VWF: variants seen among roughly 807,000 people sequenced by gnomAD.
VWF encodes the protein Factor VIII related antigen.
In VWF, 176 loss-of-function variants were observed where a neutral mutation model predicts 308.6. The observed-to-expected ratio is 0.57, with a 90% CI of 0.50 to 0.65. The LOEUF is 0.65. Ranked by LOEUF, VWF falls within the 30% of genes least tolerant of loss-of-function variation. The pLI is 0.00. For missense variants in VWF, 3,146 were observed against 3,648.2 expected (o/e 0.86, Z 3.55); for synonymous variants, 1,385 against 1,443.4 (o/e 0.96, Z 0.92).
At chr12:5,968,652 C>T (rs550615544) in intron 45 of VWF, among the ~76,000 whole-genome samples, 13 of 152,136 alleles carry the variant, frequency 8.5e-5, no homozygotes, top group African/African-American at 1.9e-4. Context: ...AAAAATTAGC[C>T]GAGTGTGGTG....
At chr12:5,967,966 G>GC (rs1208026163) in intron 46 of VWF, among the ~76,000 whole-genome samples, 161 bp downstream of exon 46, 1 of 152,200 alleles carries the variant, frequency 6.6e-6, no homozygotes, top group African/African-American at 2.4e-5. Context: ...CCTAGCCTGG[G>GC]CTCCATGATG....
At chr12:6,123,104 G>C in intron 2 of VWF, 38 bp downstream of exon 2, 1 of 1,613,422 alleles carries the variant, frequency 6.2e-7, no homozygotes, top group Non-Finnish European at 8.5e-7. Flanking sequence ...AGATGGCCCT[G>C]GGGCAGGAAT....
chr12:5,964,624 G>T (rs1491004270), intron 47 of VWF, among the ~76,000 whole-genome samples: 10 of 152,070 alleles, frequency 6.6e-5, no homozygotes, highest in African/African-American at 1.7e-4. Flanking sequence ...CTGTCCCAAG[G>T]TCAAGGTTAG....
Position 5,971,463 on chromosome 12 carries a change from T to C in VWF, c.7548+136A>G, listed in dbSNP as rs1192264004. The C allele has an allele frequency of 8.2e-6, 6 of 729,448 alleles. No individual in the cohort carries two copies. The East Asian group carries it at 1.6e-4, about 19-fold the overall frequency. 45.2% of individuals were successfully genotyped at this position (729,448 alleles called of 1,614,324 possible). On this transcript the variant is annotated intron_variant, in intron 44 of 51. Transcript: ENST00000261405. ...GGGGCAGGTCATCCCAGCTGGCATC[T>C]GGATAACACCAACAGCTGGGTGAAA...
rs775107211 is a variant in VWF at position 5,981,947 on chromosome 12, G to A, written c.7126C>T (p.Pro2376Ser). Reference protein sequence around the residue: ...ECKRVSPPSCPPHRLPTLRKT... With the variant: ...ECKRVSPPSCSPHRLPTLRKT... Reference sequence around the variant, plus strand: ...CGAAGGGTGGGCAAACGGTGCGGGGGGCAGGAGGGTGGGGACACTCTTTTG... The same window carrying A: ...CGAAGGGTGGGCAAACGGTGCGGGGAGCAGGAGGGTGGGGACACTCTTTTG... The change falls in exon 42 of 52, where the codon CCC (proline) becomes TCC (serine). Residue 2376 changes from proline to serine, a missense_variant. Pro to Ser is a moderately conservative substitution (Grantham distance 74). Transcript: ENST00000261405. The A allele has an allele frequency of 1.9e-6, 3 of 1,613,562 alleles. No homozygotes were observed. The highest frequency in any genetic ancestry group is 1.3e-5 in the African/African-American group (1 of 74,886).
At chr12:6,014,777 G>C (rs1158989370) in intron 31 of VWF, among the ~76,000 whole-genome samples, 2 of 152,208 alleles carry the variant, frequency 1.3e-5, no homozygotes, top group Non-Finnish European at 2.9e-5. Context: ...AGACCACCAA[G>C]GGGGTATATG....
chr12:6,052,088 A>G (rs554204049), intron 16 of VWF, among the ~76,000 whole-genome samples: 1 of 152,248 alleles, frequency 6.6e-6, no homozygotes, highest in African/African-American at 2.4e-5. Context: ...CATGATTTGG[A>G]GCTATTTTGG....
intron 21 of VWF, among the ~76,000 whole-genome samples, chr12:6,030,645 G>C (rs1003299033): frequency 6.6e-6 from 1 of 152,146 alleles, no homozygotes; most frequent in Non-Finnish European, 1.5e-5. Context: ...TTTTAAACAA[G>C]ATCTCCTAAG....
rs893467050 is a variant in VWF at position 5,971,703 on chromosome 12, T to A, written c.7444A>T (p.Thr2482Ser). 12 of 1,614,024 alleles carry A rather than the reference T, an allele frequency of 7.4e-6. No individual in the cohort carries two copies. The highest frequency in any genetic ancestry group is 8.5e-6 in the Non-Finnish European group (10 of 1,179,970). ...PCEDSCRSGF[T>S]YVLHEGECCG... is the part of the protein sequence containing the mutation. ...CACTCGCCTTCATGCAGAACGTAAGTGAAGCCCTGGAAAAGCAGAAAAAAC... is the reference window on the plus strand; with the variant it reads ...CACTCGCCTTCATGCAGAACGTAAGAGAAGCCCTGGAAAAGCAGAAAAAAC... The change falls in exon 44 of 52, where the codon ACT becomes TCT. Residue 2482 changes from threonine (T) to serine (S), a missense_variant. By Grantham distance (58) the Thr-to-Ser change is moderately conservative (BLOSUM62 1). Around this residue, in one of 3 missense-constraint regions of VWF, gnomAD observed 989 missense variants for 1,117.4 expected, o/e 0.89. Transcript: ENST00000261405.
At chr12:6,085,385 C>A (rs1165151823) in intron 6 of VWF, among the ~76,000 whole-genome samples, 1 of 152,216 alleles carries the variant, frequency 6.6e-6, no homozygotes, top group East Asian at 1.9e-4. Context: ...GGTTTAATTT[C>A]TCTTACGTGT....
At chr12:6,087,932 G>C (rs965616016) in intron 6 of VWF, among the ~76,000 whole-genome samples, 7 of 152,060 alleles carry the variant, frequency 4.6e-5, no homozygotes, top group African/African-American at 1.7e-4. Context: ...TTTCTCAATA[G>C]AGACTGATCG....
chr12:5,981,781 CT>C lies in VWF; in HGVS notation c.7287+4del. On this transcript the variant is annotated splice_donor_region_variant and intron_variant, in intron 42 of 51. Transcript: ENST00000261405. ...ACTGATAGTTAATAGCCAAGCAGTC[CT>C]TACCTTGTCGGGAAGGCAGGTGGTT... 6.2e-7 allele frequency: 1 copy of C among 1,613,982 alleles called. No homozygotes were observed. Among genetic ancestry groups the C allele is most frequent in the Non-Finnish European group, 8.5e-7 (1 of 1,179,984 alleles).
chr12:6,016,288 G>C, intron 30 of VWF, 56 bp from the exon 31 acceptor site: 2 of 1,612,542 alleles, frequency 1.2e-6, no homozygotes, highest in South Asian at 2.2e-5. Flanking sequence ...TCGACACCCT[G>C]TCTTAACGGT....
At chr12:5,989,516 G>A (rs1036759056) in intron 38 of VWF, among the ~76,000 whole-genome samples, 1 of 152,146 alleles carries the variant, frequency 6.6e-6, no homozygotes, top group African/African-American at 2.4e-5. Flanking sequence ...AAGTGGCTGT[G>A]TTGTTTTCAA....
chr12:6,002,318 A>G (rs1943880124), intron 34 of VWF, among the ~76,000 whole-genome samples: 1 of 151,918 alleles, frequency 6.6e-6, no homozygotes, highest in Non-Finnish European at 1.5e-5. Flanking sequence ...AAATCCAGAA[A>G]GACAAATCAT....
chr12:5,980,088 AAGAAAGG>A (rs1469141609), intron 42 of VWF, among the ~76,000 whole-genome samples: 3 of 71,358 alleles, frequency 4.2e-5, no homozygotes, highest in African/African-American at 2.0e-4. Flanking sequence ...AAAGAAAAGA[AAGAAAGG>A]AAGGAAGGAA....
At chr12:6,066,057 G>A (rs541839927) in intron 10 of VWF, among the ~76,000 whole-genome samples, 43 of 152,298 alleles carry the variant, frequency 2.8e-4, no homozygotes, top group African/African-American at 1.0e-3. Context: ...ACACATCTGT[G>A]GGTGGGGACT....
At chr12:6,123,831 G>C (rs1284357113) in intron 1 of VWF, among the ~76,000 whole-genome samples, 1 of 152,144 alleles carries the variant, frequency 6.6e-6, no homozygotes, top group African/African-American at 2.4e-5. Context: ...GATGCAGGCA[G>C]ACTTCCCCAC....
intron 3 of VWF, among the ~76,000 whole-genome samples, chr12:6,118,681 C>A (rs911387695): frequency 6.6e-6 from 1 of 152,062 alleles, no homozygotes; most frequent in African/African-American, 2.4e-5. Flanking sequence ...GCCATTGCAC[C>A]CGTGCACCCG....
Sources: gnomAD v4.1 joint callset for allele counts (sites outside exome capture counted in the v4.1 genomes callset) on GRCh38, gnomAD v4.1.1 for gene constraint, gnomAD v4.1.1 regional missense constraint, MANE v1.5 for transcripts, NCBI Gene and HGNC (gene_info 2026-07-23, HGNC 2026-07-21) for gene names.